Variants in NOP14 observed in about 807,000 individuals in gnomAD.
The protein encoded by NOP14 is NOP14 nucleolar protein.
NOP14 carries 57 observed loss-of-function variants against 101.6 expected under a neutral mutation model. That is an observed-to-expected ratio of 0.56 (90% confidence interval 0.45 to 0.70). The LOEUF is 0.70. Ranked by LOEUF, NOP14 falls within the 30% of genes least tolerant of loss-of-function variation. NOP14 has a pLI of 0.00. For synonymous variants in NOP14, 428 were observed against 424.0 expected (o/e 1.01, Z -0.12); for missense variants, 1,134 against 1,075.5 (o/e 1.05, Z -0.76).
intron 13 of NOP14, 44 bp downstream of exon 13, chr4:2,944,029 T>C: frequency 6.5e-7 from 1 of 1,528,944 alleles, no homozygotes; most frequent in Non-Finnish European, 8.8e-7. Context: ...AAAAAAATTC[T>C]AAAGTATAAC....
chr4:2,956,536 TAG>T (rs1467397738), intron 3 of NOP14, 132 bp downstream of exon 3: 3 of 849,326 alleles, frequency 3.5e-6, no homozygotes, highest in Middle Eastern at 3.3e-4. Flanking sequence ...GTGAAATTTG[TAG>T]AGAGGTTAAT....
chr4:2,947,765 G>A (rs2109302233), intron 9 of NOP14, 154 bp from the exon 10 acceptor site: 2 of 649,174 alleles, frequency 3.1e-6, no homozygotes, highest in East Asian at 2.7e-5. Flanking sequence ...TAAAATGTAA[G>A]CAAATACACT....
chr4:2,938,640 G>A lies in NOP14; in HGVS notation c.*191C>T, dbSNP rs977498041. 1.7e-6 allele frequency: 1 copy of A among 578,302 alleles called. No individual in the cohort carries two copies. Among genetic ancestry groups the A allele is most frequent in the Non-Finnish European group, 3.1e-6 (1 of 327,002 alleles). The allele number at this position is 578,302 out of a possible 1,614,324, so 35.8% of individuals were successfully genotyped here. ...CCTGCTTCAGCCTCCCGAGTAGTTG[G>A]GACTACAGGTGCGTGCCACCACACT... On this transcript the variant is annotated 3_prime_UTR_variant, in exon 18 of 18. Transcript: ENST00000416614.
chr4:2,942,303 A>T lies in NOP14; in HGVS notation c.1940T>A (p.Leu647Gln). The change falls in exon 14 of 18, where the codon CTG becomes CAG. Residue 647 changes from leucine to glutamine, a missense_variant. Transcript: ENST00000416614. ...PFRALGKNSE[L>Q]LVVSAREDVA... ...ATCCTCTCTAGCAGACACCACGAGC[A>T]GTTCCGAGTTCTTCCCAAGCGCTCT... The T allele has an allele frequency of 6.2e-7, 1 of 1,614,174 alleles. No individual in the cohort carries two copies. The highest frequency in any genetic ancestry group is 8.5e-7 in the Non-Finnish European group (1 of 1,180,016).
intron 15 of NOP14, 26 bp downstream of exon 15, chr4:2,941,556 G>A (rs1408905365): frequency 3.1e-6 from 5 of 1,606,862 alleles, no homozygotes; most frequent in Non-Finnish European, 3.4e-6. Context: ...CCCAGGCAGA[G>A]CACCCTAGTG....
intron 13 of NOP14, among the ~76,000 whole-genome samples, chr4:2,943,047 G>C (rs574648915): frequency 2.6e-5 from 4 of 152,188 alleles, no homozygotes; most frequent in Non-Finnish European, 5.9e-5. Context: ...AGCCTGTTCC[G>C]TCACAGCCCT....
Position 2,957,625 on chromosome 4 carries a change from C to T in NOP14, c.311G>A (p.Arg104Lys), listed in dbSNP as rs1236609806. 1.2e-6 allele frequency: 2 copies of T among 1,614,046 alleles called. No individual in the cohort carries two copies. Among genetic ancestry groups the T allele is most frequent in the Non-Finnish European group, 1.7e-6 (2 of 1,180,026 alleles). ...NMSPEEKMMK[R>K]FALEQQRHHE... ...CCATACCTGCTGTTCCAGAGCAAAC[C>T]TCTTCATCATCTTCTCCTCGGGGCT... Residue 104 changes from arginine to lysine, a missense_variant, in exon 2 of 18, where the codon AGG becomes AAG. Transcript: ENST00000416614.
chr4:2,952,910 C>A (rs890534437), intron 5 of NOP14, among the ~76,000 whole-genome samples: 1 of 152,238 alleles, frequency 6.6e-6, no homozygotes, highest in African/African-American at 2.4e-5. Flanking sequence ...CACTACACTC[C>A]AGCCTGGGTG....
intron 11 of NOP14, 124 bp from the exon 12 acceptor site, chr4:2,945,353 G>C: frequency 1.4e-6 from 1 of 723,090 alleles, no homozygotes. Flanking sequence ...CCTTGGCCCA[G>C]AGCTCTGGCC....
chr4:2,941,881 C>G (rs116647362), intron 14 of NOP14, 152 bp from the exon 15 acceptor site: 1 of 879,734 alleles, frequency 1.1e-6, no homozygotes, highest in South Asian at 1.7e-5. Context: ...CATGCAACCA[C>G]GGGCAAGGCA....
chr4:2,953,566 A>T lies in NOP14; in HGVS notation c.692T>A (p.Leu231His). ...LDQDWKEIQT[L>H]LSHKTPKSEN... ...TGACTTGGGAGTTTTGTGGGACAGGAGAGTCTGAATTTCTTTCCAGTCTTG... is the reference window on the plus strand; with the variant it reads ...TGACTTGGGAGTTTTGTGGGACAGGTGAGTCTGAATTTCTTTCCAGTCTTG... Residue 231 changes from leucine (L) to histidine (H), a missense_variant, in exon 5 of 18, where the codon CTC becomes CAC. By Grantham distance (99) the Leu-to-His change is moderately conservative. Transcript: ENST00000416614. 6.2e-7 allele frequency: 1 copy of T among 1,614,198 alleles called. No homozygotes were observed. The highest frequency in any genetic ancestry group is 8.5e-7 in the Non-Finnish European group (1 of 1,180,042).
chr4:2,960,261 C>A (rs1241081169), intron 1 of NOP14, among the ~76,000 whole-genome samples: 1 of 151,980 alleles, frequency 6.6e-6, no homozygotes, highest in East Asian at 1.9e-4. Flanking sequence ...TGTGAGCCAC[C>A]AAACCCAGCA....
chr4:2,945,201 A>G lies in NOP14; in HGVS notation c.1664T>C (p.Leu555Pro), dbSNP rs753089613. 15 of 1,581,568 alleles carry G rather than the reference A, an allele frequency of 9.5e-6. No individual in the cohort carries two copies. Among genetic ancestry groups the G allele is most frequent in the Non-Finnish European group, 2.6e-6 (3 of 1,163,052 alleles). ...GTGCCAGAAGTCGGAAGTTGGAAAT[A>G]GCAGCCCAGTGATTTTCAAATAAAT... ...VLIYLKITGL[L>P]FPTSDFWHPV... The change falls in exon 12 of 18, where the codon CTA (leucine) becomes CCA (proline). Residue 555 changes from leucine to proline, a missense_variant. Physicochemically the swap from Leu to Pro is moderately conservative, Grantham distance 98. Coordinates refer to ENST00000416614, the MANE Select transcript of NOP14 (RefSeq NM_001291978.2).
chr4:2,952,814 G>A (rs770787371), intron 5 of NOP14, among the ~76,000 whole-genome samples: 3 of 152,132 alleles, frequency 2.0e-5, no homozygotes, highest in Non-Finnish European at 4.4e-5. Flanking sequence ...ATGGTGGCAC[G>A]CGCCTGTAAT....
rs112666460 is a variant in NOP14, at chr4:2,941,225, G to C, written c.2199+357C>G. ...CCTGTCACCTTGTGCAGGATAGTGAGACCATCCTTGGAAAACCCATCGGGA... is the reference window on the plus strand; with the variant it reads ...CCTGTCACCTTGTGCAGGATAGTGACACCATCCTTGGAAAACCCATCGGGA... On this transcript the variant is annotated intron_variant, in intron 15 of 17. Transcript: ENST00000416614. The C allele has an allele frequency of 4.0e-4, 96 of 239,250 alleles. 1 individual carries two copies. Among genetic ancestry groups the C allele is most frequent in the African/African-American group, 2.0e-3 (86 of 43,610 alleles). The allele number at this position is 239,250 out of a possible 1,614,324, so 14.8% of individuals were successfully genotyped here. A position where few individuals can be genotyped will look rare whatever the true frequency, so the allele number is the denominator to read the frequency against.
At chr4:2,958,441 C>CT (rs1715496050) in intron 1 of NOP14, among the ~76,000 whole-genome samples, 1 of 152,210 alleles carries the variant, frequency 6.6e-6, no homozygotes, top group Non-Finnish European at 1.5e-5. Context: ...ATTGCAAACT[C>CT]TTTCTTGCTG....
Position 2,951,184 on chromosome 4 carries a change from T to C in NOP14, c.932A>G (p.His311Arg), listed in dbSNP as rs773512684. Residue 311 changes from histidine (H) to arginine (R), a missense_variant, in exon 7 of 18, where the codon CAT (histidine) becomes CGT (arginine). His to Arg is a conservative substitution (Grantham distance 29). Coordinates refer to ENST00000416614, the MANE Select transcript of NOP14 (RefSeq NM_001291978.2). ...ATCATTCAGATCATCTGCTGACATA[T>C]GTTTTGGTTTCTTAACATTTTCATC... ...DEDENVKKPK[H>R]MSADDLNDGF... 3.1e-6 allele frequency: 5 copies of C among 1,613,748 alleles called. No individual in the cohort carries two copies. In the South Asian group the frequency reaches 3.3e-5, roughly 11 times the overall value.
In NOP14 at chr4:2,944,053, C is replaced by A; in HGVS notation, c.1891+20G>T. 1.3e-6 allele frequency: 2 copies of A among 1,582,700 alleles called. No individual in the cohort carries two copies. The highest frequency in any genetic ancestry group is 2.3e-5 in the South Asian group (2 of 86,370). On this transcript the variant is annotated intron_variant, in intron 13 of 17. Coordinates refer to ENST00000416614, the MANE Select transcript of NOP14 (RefSeq NM_001291978.2). ...CTAAAGTATAACATATTTGTAGGAACCTCCCTCAAATCAACTCACCTTGGC... is the reference window on the plus strand; with the variant it reads ...CTAAAGTATAACATATTTGTAGGAAACTCCCTCAAATCAACTCACCTTGGC...
At chr4:2,950,556 G>A in intron 7 of NOP14, 2 of 324,092 alleles carry the variant, frequency 6.2e-6, no homozygotes, top group Non-Finnish European at 1.1e-5. Context: ...TGCTCCTCCA[G>A]GTAACCTAGT....
Sources: gnomAD v4.1 joint callset for allele counts (sites outside exome capture counted in the v4.1 genomes callset) on GRCh38, gnomAD v4.1.1 for gene constraint, MANE v1.5 for transcripts, NCBI Gene and HGNC (gene_info 2026-07-23, HGNC 2026-07-21) for gene names.